GRID2: variants seen among roughly 807,000 people sequenced by gnomAD.
The protein encoded by GRID2 is glutamate ionotropic receptor delta type subunit 2, also known as glutamate receptor ionotropic, delta-2.
Under a neutral mutation model 114.8 loss-of-function variants are expected in GRID2, and 33 were observed. That is an observed-to-expected ratio of 0.29 (90% CI 0.22 to 0.38). The LOEUF (loss-of-function observed/expected upper bound fraction) is 0.38. Ranked by LOEUF, GRID2 falls within the 10% of genes least tolerant of loss-of-function variation. The pLI, the probability that GRID2 is intolerant of heterozygous loss-of-function variation, is 1.00. For synonymous variants in GRID2, 505 were observed against 449.9 expected (o/e 1.12, Z -1.55); for missense variants, 1,184 against 1,257.7 (o/e 0.94, Z 0.89).
chr4:92,774,180 G>A (rs181629665), intron 2 of GRID2, among the ~76,000 whole-genome samples: 5 of 152,244 alleles, frequency 3.3e-5, no homozygotes, highest in Admixed American at 2.6e-4. Context: ...TTTAAGCTCA[G>A]AGTGAAGGAT....
chr4:93,420,400 T>C (rs1385207207), intron 9 of GRID2, among the ~76,000 whole-genome samples: 1 of 152,216 alleles, frequency 6.6e-6, no homozygotes, highest in East Asian at 1.9e-4. Flanking sequence ...TGGCTAGCTC[T>C]ATAAGTTGTC....
At chr4:92,463,409 TATG>T (rs921022177) in intron 1 of GRID2, among the ~76,000 whole-genome samples, 4 of 152,038 alleles carry the variant, frequency 2.6e-5, no homozygotes, top group Non-Finnish European at 5.9e-5. Context: ...CCATATTTAT[TATG>T]ATAACAATTT....
chr4:93,220,105 C>A (rs573931889), intron 6 of GRID2, among the ~76,000 whole-genome samples: 1 of 152,042 alleles, frequency 6.6e-6, no homozygotes, highest in East Asian at 1.9e-4. Context: ...AAAAGATTCT[C>A]ATGGAGTTTA....
chr4:92,851,888 C>T (rs1184471717), intron 2 of GRID2, among the ~76,000 whole-genome samples: 2 of 151,892 alleles, frequency 1.3e-5, no homozygotes, highest in Non-Finnish European at 2.9e-5. Flanking sequence ...AAAATATGTA[C>T]TTTCTTTGCA....
At chr4:93,160,456 A>G (rs898015754) in intron 4 of GRID2, among the ~76,000 whole-genome samples, 1 of 151,848 alleles carries the variant, frequency 6.6e-6, no homozygotes, top group Non-Finnish European at 1.5e-5. Flanking sequence ...TTACCTTATT[A>G]GCCCAAATCC....
exon 2 of GRID2, chr4:93,809,638 G>A (rs189782618): frequency 9.2e-5 from 14 of 152,156 alleles, no homozygotes; most frequent in Non-Finnish European, 1.8e-4. Context: ...GCAGATCACA[G>A]GGAAAAATCG....
At chr4:93,043,323 T>C (rs898867355) in intron 2 of GRID2, among the ~76,000 whole-genome samples, 1 of 152,158 alleles carries the variant, frequency 6.6e-6, no homozygotes, top group Non-Finnish European at 1.5e-5. Context: ...CATTAACATA[T>C]AGAGTAAAAG....
At chr4:92,945,499 C>A (rs1159501089) in intron 2 of GRID2, among the ~76,000 whole-genome samples, 1 of 152,054 alleles carries the variant, frequency 6.6e-6, no homozygotes. Context: ...GATACCAAGA[C>A]AATTAATACT....
intron 2 of GRID2, among the ~76,000 whole-genome samples, chr4:92,694,684 A>G (rs1207213374): frequency 6.6e-6 from 1 of 152,208 alleles, no homozygotes; most frequent in Non-Finnish European, 1.5e-5. Context: ...ACAAGTTGAC[A>G]TCTTGCTTTG....
intron 1 of GRID2, among the ~76,000 whole-genome samples, chr4:92,365,178 T>C (rs988902218): frequency 5.3e-5 from 8 of 152,038 alleles, no homozygotes; most frequent in African/African-American, 1.9e-4. Flanking sequence ...ATATCTTCAC[T>C]CCCATGTTCA....
intron 1 of GRID2, among the ~76,000 whole-genome samples, chr4:93,789,557 T>A (rs1308434310): frequency 6.6e-6 from 1 of 152,204 alleles, no homozygotes; most frequent in East Asian, 1.9e-4. Context: ...TCTTCTAATA[T>A]TTTTGGTGCC....
chr4:92,383,360 A>G (rs1195408994), intron 1 of GRID2, among the ~76,000 whole-genome samples: 4 of 152,060 alleles, frequency 2.6e-5, no homozygotes, highest in Non-Finnish European at 5.9e-5. Flanking sequence ...AAGTATTGTA[A>G]TTCCTTTGTA....
intron 13 of GRID2, among the ~76,000 whole-genome samples, chr4:93,521,819 G>A (rs1200010887): frequency 6.6e-6 from 1 of 152,128 alleles, no homozygotes; most frequent in East Asian, 1.9e-4. Flanking sequence ...CACGTTGGAG[G>A]AGTGACACTG....
intron 8 of GRID2, among the ~76,000 whole-genome samples, chr4:93,316,251 A>C (rs1756573958): frequency 6.6e-6 from 1 of 150,484 alleles, no homozygotes; most frequent in Admixed American, 6.7e-5. Context: ...AAGGCAAGAA[A>C]AAAAAGAAAG....
chr4:92,865,909 A>G (rs1409022985), intron 2 of GRID2, among the ~76,000 whole-genome samples: 1 of 152,242 alleles, frequency 6.6e-6, no homozygotes, highest in Non-Finnish European at 1.5e-5. Context: ...CATCGTTATC[A>G]TATACTAGTG....
At chr4:92,827,402 TAAAA>T (rs869244288) in intron 2 of GRID2, among the ~76,000 whole-genome samples, 1 of 134,850 alleles carries the variant, frequency 7.4e-6, no homozygotes, top group African/African-American at 2.7e-5. Context: ...TCCTGAGATT[TAAAA>T]AAAAAAAAAA....
intron 9 of GRID2, among the ~76,000 whole-genome samples, chr4:93,404,464 C>A (rs1766213852): frequency 6.6e-6 from 1 of 152,060 alleles, no homozygotes; most frequent in East Asian, 1.9e-4. Flanking sequence ...TTTAAATCCC[C>A]ACCTCTCCTA....
At chr4:93,517,904 A>T (rs953328031) in intron 13 of GRID2, among the ~76,000 whole-genome samples, 1 of 149,252 alleles carries the variant, frequency 6.7e-6, no homozygotes, top group African/African-American at 2.5e-5. Context: ...ATATATATGT[A>T]TGTGTGTGTG....
intron 13 of GRID2, among the ~76,000 whole-genome samples, chr4:93,574,915 C>T (rs1471243809): frequency 6.6e-6 from 1 of 152,152 alleles, no homozygotes; most frequent in Non-Finnish European, 1.5e-5. Context: ...AGCTCTTCTG[C>T]TCAAAATGGT....
Sources: allele counts gnomAD v4.1 joint callset (sites outside exome capture counted in the v4.1 genomes callset), GRCh38; gene constraint gnomAD v4.1.1; transcripts MANE v1.5; gene names NCBI Gene and HGNC (gene_info 2026-07-23, HGNC 2026-07-21).